MSH4: variants seen among roughly 807,000 people sequenced by gnomAD.
MSH4 encodes mutS homolog 4.
MSH4 carries 106 observed loss-of-function variants against 113.7 expected under a neutral mutation model. That is an observed-to-expected ratio of 0.93 (90% CI 0.80 to 1.10). The LOEUF is 1.10. Among genes scored for constraint, MSH4 ranks in the 50% least tolerant of loss-of-function variants. The pLI is 0.00. For synonymous variants in MSH4, 368 were observed against 380.2 expected (o/e 0.97, Z 0.37); for missense variants, 1,061 against 1,093.7 (o/e 0.97, Z 0.42).
In MSH4 at chr1:75,879,193, T is replaced by G. The variant is rs1651878974; in HGVS notation, c.1677+65T>G. On this transcript the variant is annotated intron_variant, in intron 12 of 19. Coordinates refer to ENST00000263187, the MANE Select transcript of MSH4 (RefSeq NM_002440.4). ...TTATAGAATTACATCTACATATTTT[T>G]GGGACTTCTTGAGTTTTGCAAGCCA... is the stretch of plus-strand genomic sequence containing the variant. 21 of 1,494,402 alleles carry G rather than the reference T, an allele frequency of 1.4e-5. No homozygotes were observed. The South Asian group carries it at 1.8e-4, about 13-fold the overall frequency. The allele number at this position is 1,494,402 out of a possible 1,614,324, so 92.6% of individuals were successfully genotyped here.
chr1:75,891,136 A>T (rs934930047), intron 17 of MSH4, among the ~76,000 whole-genome samples: 6 of 152,184 alleles, frequency 3.9e-5, no homozygotes, highest in Admixed American at 2.0e-4. Flanking sequence ...ATGTGCAATG[A>T]TGTTGACTAT....
At chr1:75,819,798 C>T (rs1650368291) in intron 6 of MSH4, among the ~76,000 whole-genome samples, 2 of 152,176 alleles carry the variant, frequency 1.3e-5, no homozygotes, top group Admixed American at 6.5e-5. Context: ...GCAACCTCCG[C>T]CTCCCGGGTT....
At chr1:75,804,613 T>G (rs1055215644) in intron 2 of MSH4, among the ~76,000 whole-genome samples, 1 of 147,384 alleles carries the variant, frequency 6.8e-6, no homozygotes, top group Non-Finnish European at 1.5e-5. Context: ...CGGGTTCAAG[T>G]GATTCTTCTG....
intron 3 of MSH4, among the ~76,000 whole-genome samples, chr1:75,808,739 T>C (rs1409834864): frequency 1.3e-5 from 2 of 152,104 alleles, no homozygotes; most frequent in Non-Finnish European, 2.9e-5. Context: ...TTTTCAGAGG[T>C]AAAGAAAACT....
chr1:75,868,815 A>G (rs1445629376), intron 9 of MSH4, among the ~76,000 whole-genome samples: 1 of 152,206 alleles, frequency 6.6e-6, no homozygotes, highest in Non-Finnish European at 1.5e-5. Context: ...ACCTTCTGCC[A>G]TGATTGTGAG....
chr1:75,848,617 A>G lies in MSH4; in HGVS notation c.1230+341A>G, dbSNP rs866276215. On this transcript the variant is annotated intron_variant, in intron 8 of 19. Transcript: ENST00000263187. ...GCTGGGCATGCTGTTGCATGCTTGT[A>G]GTCCCAGCTCCTGGGGAGGCTGAGG... 2.0e-5 allele frequency among the ~76,000 whole-genome samples: 3 copies of G among 152,276 alleles called. No homozygotes were observed. The Middle Eastern group carries it at 0.01, about 518-fold the overall frequency.
chr1:75,814,045 T>G (rs1220251477), intron 4 of MSH4, among the ~76,000 whole-genome samples: 1 of 152,160 alleles, frequency 6.6e-6, no homozygotes, highest in Admixed American at 6.5e-5. Context: ...CATGATATTT[T>G]TTCATTCTTA....
At chr1:75,813,737 G>T (rs1650236695) in intron 4 of MSH4, among the ~76,000 whole-genome samples, 1 of 152,106 alleles carries the variant, frequency 6.6e-6, no homozygotes, top group African/African-American at 2.4e-5. Context: ...TTAGCCAGGT[G>T]TAGTGACATG....
At position 75,866,812 on chromosome 1, in the gene MSH4, C is replaced by G. The variant is rs550254945; in HGVS notation, c.1231-702C>G. Among the ~76,000 whole-genome samples the G allele has an allele frequency of 1.2e-4, 18 of 151,274 alleles. No individual in the cohort carries two copies. The East Asian group carries it at 3.1e-3, about 26-fold the overall frequency. On this transcript the variant is annotated intron_variant, in intron 8 of 19. Coordinates refer to ENST00000263187, the MANE Select transcript of MSH4 (RefSeq NM_002440.4). Reference sequence around the variant, plus strand: ...CCTAGCCAACATGGTGAAACCCCATCTCTATTAAAAAAAAAAAAGAAACAT... The same window carrying G: ...CCTAGCCAACATGGTGAAACCCCATGTCTATTAAAAAAAAAAAAGAAACAT...
chr1:75,863,289 C>A (rs760902118), intron 8 of MSH4, among the ~76,000 whole-genome samples: 16 of 151,960 alleles, frequency 1.1e-4, no homozygotes, highest in Non-Finnish European at 1.9e-4. Flanking sequence ...ATAAAATAAG[C>A]AATTACAGCA....
At chr1:75,864,506 C>G (rs1651521417) in intron 8 of MSH4, among the ~76,000 whole-genome samples, 1 of 152,130 alleles carries the variant, frequency 6.6e-6, no homozygotes, top group African/African-American at 2.4e-5. Context: ...GTTTTTCTTC[C>G]CCAAACCTGA....
chr1:75,887,539 G>T (rs994905005), intron 15 of MSH4, among the ~76,000 whole-genome samples: 19 of 151,988 alleles, frequency 1.3e-4, no homozygotes, highest in Non-Finnish European at 2.2e-4. Flanking sequence ...ACGTTTATCT[G>T]CCTGGAAACT....
At position 75,883,577 on chromosome 1, in the gene MSH4, C is replaced by A. The variant is rs557746195; in HGVS notation, c.1907-44C>A. On this transcript the variant is annotated intron_variant, in intron 14 of 19. Coordinates refer to ENST00000263187, the MANE Select transcript of MSH4 (RefSeq NM_002440.4). ...ATACACACTACAAAATCTTTAGACA[C>A]AAATATATTAATCTTTAAAAACCAT... 2.7e-6 allele frequency: 4 copies of A among 1,485,186 alleles called. No homozygotes were observed. In the South Asian group the frequency reaches 3.6e-5, roughly 14 times the overall value. The allele number at this position is 1,485,186 out of a possible 1,614,324, so 92.0% of individuals were successfully genotyped here. A position where few individuals can be genotyped will look rare whatever the true frequency, so the allele number is the denominator to read the frequency against.
At chr1:75,867,276 A>G (rs1442758335) in intron 8 of MSH4, among the ~76,000 whole-genome samples, 1 of 152,208 alleles carries the variant, frequency 6.6e-6, no homozygotes, top group Non-Finnish European at 1.5e-5. Context: ...TGAAATAGAA[A>G]TGAAAATTGG....
At chr1:75,848,869 A>G (rs1651131239) in intron 8 of MSH4, among the ~76,000 whole-genome samples, 1 of 152,206 alleles carries the variant, frequency 6.6e-6, no homozygotes, top group African/African-American at 2.4e-5. Flanking sequence ...TAACTAAAAT[A>G]TATTAGAGCT....
chr1:75,812,612 T>C (rs1184293624), intron 4 of MSH4, among the ~76,000 whole-genome samples: 1 of 152,118 alleles, frequency 6.6e-6, no homozygotes, highest in African/African-American at 2.4e-5. Flanking sequence ...GAGAATCGCT[T>C]GAACCTGGGA....
intron 8 of MSH4, among the ~76,000 whole-genome samples, chr1:75,850,329 T>G (rs528042821): frequency 6.6e-6 from 1 of 152,272 alleles, no homozygotes; most frequent in African/African-American, 2.4e-5. Flanking sequence ...TTAGCTGTAT[T>G]CCACAATTTT....
intron 9 of MSH4, among the ~76,000 whole-genome samples, chr1:75,868,958 G>A (rs1434382361): frequency 6.6e-6 from 1 of 152,194 alleles, no homozygotes; most frequent in Non-Finnish European, 1.5e-5. Flanking sequence ...GTGGGGTGCT[G>A]CTGTAAAGGT....
At chr1:75,827,748 A>T (rs934131024) in intron 7 of MSH4, among the ~76,000 whole-genome samples, 1 of 152,168 alleles carries the variant, frequency 6.6e-6, no homozygotes, top group African/African-American at 2.4e-5. Flanking sequence ...CAAAGATCAA[A>T]AGAGACAAAG....
Sources: gnomAD v4.1 joint callset for allele counts (sites outside exome capture counted in the v4.1 genomes callset) on GRCh38, gnomAD v4.1.1 for gene constraint, MANE v1.5 for transcripts, NCBI Gene and HGNC (gene_info 2026-07-23, HGNC 2026-07-21) for gene names.